Variants in DGKB observed in about 807,000 individuals in gnomAD.
The protein encoded by DGKB is 90 kDa diacylglycerol kinase.
In DGKB, 67 loss-of-function variants were observed where a neutral mutation model predicts 114.3. That is an observed-to-expected ratio of 0.59 (90% CI 0.48 to 0.72). DGKB has a LOEUF of 0.72. DGKB is among the 30% of genes least tolerant of loss of function. The pLI is 0.00. For missense variants in DGKB, 907 were observed against 975.2 expected, an observed-to-expected ratio of 0.93 and a Z score of 0.93; for synonymous variants, 398 against 323.1, an observed-to-expected ratio of 1.23 and a Z score of -2.49.
At chr7:14,611,783 G>A (rs1226553305) in intron 16 of DGKB, among the ~76,000 whole-genome samples, 1 of 151,584 alleles carries the variant, frequency 6.6e-6, no homozygotes, top group Non-Finnish European at 1.5e-5. Flanking sequence ...TCAACTAAGG[G>A]TCATTCTACA....
intron 16 of DGKB, among the ~76,000 whole-genome samples, chr7:14,610,475 C>T (rs909787097): frequency 4.6e-5 from 7 of 151,994 alleles, no homozygotes; most frequent in Non-Finnish European, 1.0e-4. Flanking sequence ...CAAACCTGCA[C>T]ATGTACCTCC....
At chr7:14,807,354 T>C in intron 2 of DGKB, among the ~76,000 whole-genome samples, 1 of 150,320 alleles carries the variant, frequency 6.7e-6, no homozygotes, top group East Asian at 1.9e-4. Flanking sequence ...TTTTAATAAA[T>C]AAAGAATGAA....
chr7:14,273,110 G>A (rs965060739), intron 23 of DGKB, among the ~76,000 whole-genome samples: 1 of 152,088 alleles, frequency 6.6e-6, no homozygotes, highest in African/African-American at 2.4e-5. Context: ...TTTGGGAGGT[G>A]GAGGCAGGTG....
intron 23 of DGKB, among the ~76,000 whole-genome samples, chr7:14,332,737 C>T (rs1267016552): frequency 6.6e-6 from 1 of 152,170 alleles, no homozygotes; most frequent in Non-Finnish European, 1.5e-5. Context: ...TAACCCATCT[C>T]ATTTTCCATC....
At chr7:14,849,951 G>A (rs975490827) in intron 1 of DGKB, among the ~76,000 whole-genome samples, 2 of 152,144 alleles carry the variant, frequency 1.3e-5, no homozygotes, top group Non-Finnish European at 2.9e-5. Flanking sequence ...CTGAGGAGAC[G>A]AGTTCTTATA....
At chr7:14,952,594 A>C (rs1047709180) in intron 1 of DGKB, among the ~76,000 whole-genome samples, 2 of 151,908 alleles carry the variant, frequency 1.3e-5, no homozygotes, top group Non-Finnish European at 2.9e-5. Context: ...CATCTCTTCT[A>C]AAAATACAAA....
chr7:14,736,123 A>G lies in DGKB; in HGVS notation c.240T>C (p.Thr80=), dbSNP rs1204007522. The G allele has an allele frequency of 6.2e-7, 1 of 1,609,968 alleles. No individual in the cohort carries two copies. The highest frequency in any genetic ancestry group is 2.2e-5 in the East Asian group (1 of 44,866). Residue 80 remains threonine (T), a synonymous_variant, in exon 5 of 26, where the codon ACT becomes ACC. Transcript: ENST00000402815. ...TGCTAAATGACATGAAAAGGTGTGCAGTGAAATCATCAGGAAGCTCGGCTT... is the reference window on the plus strand; with the variant it reads ...TGCTAAATGACATGAAAAGGTGTGCGGTGAAATCATCAGGAAGCTCGGCTT... ...FLEAELPDDF[T]AHLFMSFSNK...
chr7:14,582,239 T>C (rs965660902), intron 18 of DGKB, among the ~76,000 whole-genome samples: 1 of 152,196 alleles, frequency 6.6e-6, no homozygotes, highest in African/African-American at 2.4e-5. Context: ...TATTTCCTCA[T>C]AAAGGCCAAT....
At chr7:14,869,717 A>G (rs1383459632) in intron 1 of DGKB, among the ~76,000 whole-genome samples, 7 of 152,118 alleles carry the variant, frequency 4.6e-5, no homozygotes, top group African/African-American at 1.7e-4. Flanking sequence ...TCTCTATTCT[A>G]TACTTAAGTT....
chr7:14,591,832 T>C (rs1267281430), intron 17 of DGKB, among the ~76,000 whole-genome samples: 1 of 151,946 alleles, frequency 6.6e-6, no homozygotes, highest in African/African-American at 2.4e-5. Flanking sequence ...ATAAAATTGA[T>C]ACAGAAAAGG....
chr7:14,266,458 A>G (rs969373323), intron 23 of DGKB, among the ~76,000 whole-genome samples: 6 of 152,192 alleles, frequency 3.9e-5, no homozygotes, highest in Non-Finnish European at 8.8e-5. Flanking sequence ...TATGTTTTAA[A>G]GAAAGCTAAT....
chr7:14,155,982 C>T (rs1361910204), intron 25 of DGKB, among the ~76,000 whole-genome samples: 2 of 152,024 alleles, frequency 1.3e-5, no homozygotes, highest in Non-Finnish European at 2.9e-5. Flanking sequence ...TTACTGAAGA[C>T]CAGTGGGGCA....
intron 1 of DGKB, among the ~76,000 whole-genome samples, chr7:14,869,433 C>T (rs900251980): frequency 1.3e-5 from 2 of 152,062 alleles, no homozygotes; most frequent in South Asian, 4.2e-4. Context: ...TACAACTTTA[C>T]AATCGATATA....
At chr7:14,824,105 T>A (rs916978227) in intron 2 of DGKB, among the ~76,000 whole-genome samples, 6 of 152,026 alleles carry the variant, frequency 3.9e-5, no homozygotes. Flanking sequence ...ATGAGACTTA[T>A]TCACTATTAT....
chr7:14,564,694 G>C (rs1438337738), intron 20 of DGKB, among the ~76,000 whole-genome samples: 1 of 151,902 alleles, frequency 6.6e-6, no homozygotes, highest in Admixed American at 6.6e-5. Context: ...CTTCAGTTTT[G>C]TCCTGTTTTT....
chr7:14,761,112 GT>G (rs1835623314), intron 2 of DGKB, among the ~76,000 whole-genome samples: 2 of 152,086 alleles, frequency 1.3e-5, no homozygotes, highest in Non-Finnish European at 2.9e-5. Flanking sequence ...AATATTTGAA[GT>G]TTAACTATGA....
At chr7:14,714,744 C>G in intron 6 of DGKB, among the ~76,000 whole-genome samples, 1 of 152,092 alleles carries the variant, frequency 6.6e-6, no homozygotes, top group East Asian at 1.9e-4. Flanking sequence ...TTTTATTTCA[C>G]TAAGTCTCTG....
intron 24 of DGKB, among the ~76,000 whole-genome samples, chr7:14,177,643 A>C (rs1416662597): frequency 2.0e-5 from 3 of 151,976 alleles, no homozygotes. Flanking sequence ...CATATATAAA[A>C]TCTTACTGTG....
At chr7:14,601,974 C>G (rs887280497) in intron 17 of DGKB, among the ~76,000 whole-genome samples, 4 of 151,912 alleles carry the variant, frequency 2.6e-5, no homozygotes, top group African/African-American at 9.7e-5. Context: ...TCCTCTTCCT[C>G]CTCCTCTTTC....
Sources: allele counts gnomAD v4.1 joint callset (sites outside exome capture counted in the v4.1 genomes callset), GRCh38; gene constraint gnomAD v4.1.1; transcripts MANE v1.5; gene names NCBI Gene and HGNC (gene_info 2026-07-23, HGNC 2026-07-21).